The following SMCO4 variants were observed in gnomAD, a reference collection of about 807,000 sequenced individuals.
SMCO4 encodes single-pass membrane protein with coiled-coil domains 4.
In SMCO4, 4 loss-of-function variants were observed where a neutral mutation model predicts 3.6. The observed-to-expected ratio is 1.11, with a 90% CI of 0.54 to 2.53. The LOEUF (loss-of-function observed/expected upper bound fraction) is 2.53. Ranked by LOEUF, SMCO4 falls within the 30% of genes most tolerant of loss-of-function variation. The pLI, the probability that SMCO4 is intolerant of heterozygous loss-of-function variation, is 0.02. For synonymous variants in SMCO4, 36 were observed against 35.3 expected (o/e 1.02, Z -0.07); for missense variants, 70 against 80.8 (o/e 0.87, Z 0.51).
intron 1 of SMCO4, among the ~76,000 whole-genome samples, chr11:93,511,072 C>T (rs1948952677): frequency 6.6e-6 from 1 of 152,048 alleles, no homozygotes; most frequent in Admixed American, 6.6e-5. Flanking sequence ...GCACTCCAGC[C>T]TGAGAGACAG....
intron 2 of SMCO4, among the ~76,000 whole-genome samples, chr11:93,492,298 G>C (rs959377139): frequency 6.6e-6 from 1 of 152,110 alleles, no homozygotes; most frequent in Non-Finnish European, 1.5e-5. Context: ...GCCACAAGCT[G>C]ATTAACTGTT....
intron 1 of SMCO4, among the ~76,000 whole-genome samples, chr11:93,514,724 A>G (rs892876983): frequency 6.6e-6 from 1 of 152,132 alleles, no homozygotes; most frequent in African/African-American, 2.4e-5. Flanking sequence ...CGGCATTCAC[A>G]TTTTCTAGCC....
chr11:93,479,203 T>G lies in SMCO4; in HGVS notation c.-14A>C. Reference sequence around the variant, plus strand: ...GAGCTGCCGCATCTTTCCTAGAGGATGCTAGGAGGGTGTGTCCAGAGGGAT... The same window carrying G: ...GAGCTGCCGCATCTTTCCTAGAGGAGGCTAGGAGGGTGTGTCCAGAGGGAT... On this transcript the variant is annotated 5_prime_UTR_variant, in exon 3 of 3. Coordinates refer to ENST00000298966, the MANE Select transcript of SMCO4 (RefSeq NM_020179.3). The G allele has an allele frequency of 6.2e-7, 1 of 1,612,156 alleles. No homozygotes were observed. The highest frequency in any genetic ancestry group is 8.5e-7 in the Non-Finnish European group (1 of 1,178,956).
chr11:93,535,555 T>A, intron 1 of SMCO4: 1 of 1,470,508 alleles, frequency 6.8e-7, no homozygotes, highest in Non-Finnish European at 9.5e-7. Flanking sequence ...TCATATCACC[T>A]TGAAGAAGTA....
intron 1 of SMCO4, among the ~76,000 whole-genome samples, chr11:93,509,184 G>A (rs560771824): frequency 4.6e-5 from 7 of 151,880 alleles, no homozygotes; most frequent in Non-Finnish European, 8.8e-5. Flanking sequence ...TCAGATACTC[G>A]GGAGGCCAAA....
upstream of SMCO4, among the ~76,000 whole-genome samples, chr11:93,548,191 G>A (rs1464301834): frequency 6.6e-6 from 1 of 152,226 alleles, no homozygotes; most frequent in Admixed American, 6.5e-5. Flanking sequence ...GAGGTAAAAT[G>A]AGAGTAATCA....
At chr11:93,509,084 G>A (rs1044746160) in intron 1 of SMCO4, among the ~76,000 whole-genome samples, 5 of 151,874 alleles carry the variant, frequency 3.3e-5, no homozygotes, top group Non-Finnish European at 7.4e-5. Context: ...CAGCCCAGGA[G>A]TTTGAGACCA....
upstream of SMCO4, among the ~76,000 whole-genome samples, chr11:93,543,839 A>G (rs866748940): frequency 1.3e-5 from 2 of 152,248 alleles, no homozygotes; most frequent in African/African-American, 2.4e-5. Context: ...GCAAACGAGT[A>G]GATGAATGAG....
chr11:93,489,565 C>G (rs1170519664), intron 2 of SMCO4, among the ~76,000 whole-genome samples: 1 of 152,130 alleles, frequency 6.6e-6, no homozygotes. Context: ...ACCAACCGCG[C>G]AGGTGTAGGC....
At chr11:93,511,111 A>G (rs992023994) in intron 1 of SMCO4, among the ~76,000 whole-genome samples, 3 of 152,140 alleles carry the variant, frequency 2.0e-5, no homozygotes, top group African/African-American at 7.2e-5. Context: ...AATGGGACAA[A>G]AACAAAAAGC....
the SMCO4 span, among the ~76,000 whole-genome samples, chr11:93,552,983 A>T: frequency 2.0e-5 from 3 of 152,122 alleles, no homozygotes; most frequent in Non-Finnish European, 2.9e-5. Flanking sequence ...GACTATTCAG[A>T]TGTGTCAACA....
chr11:93,516,916 T>G (rs1949013138), intron 1 of SMCO4, among the ~76,000 whole-genome samples: 1 of 152,166 alleles, frequency 6.6e-6, no homozygotes, highest in South Asian at 2.1e-4. Flanking sequence ...TCTTTACCAG[T>G]GAAAGTCAGA....
At chr11:93,543,429 C>T (rs945758489), upstream of SMCO4, 2 of 152,016 alleles carry the variant, frequency 1.3e-5, no homozygotes, top group Admixed American at 6.6e-5. Flanking sequence ...CCTCTGCCGC[C>T]GGGAAGCCGA....
chr11:93,552,233 T>G, the SMCO4 span, among the ~76,000 whole-genome samples: 1 of 145,570 alleles, frequency 6.9e-6, no homozygotes, highest in Non-Finnish European at 1.5e-5. Flanking sequence ...CTCGGCTCAC[T>G]GCAATCTCCT....
chr11:93,543,189 C>CGCCCGGT (rs1252607253), intron 1 of SMCO4, 87 bp downstream of exon 1: 5 of 127,080 alleles, frequency 3.9e-5, no homozygotes, highest in South Asian at 2.4e-4. Flanking sequence ...GCCGCACCCC[C>CGCCCGGT]GCCCGGTGCC....
chr11:93,484,340 T>C (rs1948624101), intron 2 of SMCO4, among the ~76,000 whole-genome samples: 1 of 152,254 alleles, frequency 6.6e-6, no homozygotes, highest in South Asian at 2.1e-4. Flanking sequence ...ACTTCTTATA[T>C]GCACTTTTCT....
intron 2 of SMCO4, among the ~76,000 whole-genome samples, chr11:93,482,164 GCT>G (rs1948599088): frequency 3.3e-5 from 5 of 152,250 alleles, no homozygotes; most frequent in South Asian, 4.1e-4. Context: ...CAGCGTCTCT[GCT>G]CTCACTCACC....
rs978643765 is a variant in SMCO4 at position 93,499,333 on chromosome 11, G to A, written c.-138C>T. On this transcript the variant is annotated 5_prime_UTR_variant, in exon 2 of 3. Transcript: ENST00000298966. ...TTCAGCAAACTGATTTCCAGTACAG[G>A]TGACTTGAGTTATTCCTGTTGAGAA... 8 of 152,162 alleles carry A rather than the reference G, an allele frequency of 5.3e-5. No individual in the cohort carries two copies. In the East Asian group the frequency reaches 1.2e-3, roughly 22 times the overall value. The allele number at this position is 152,162 out of a possible 1,614,324, so 9.4% of individuals were successfully genotyped here.
intron 1 of SMCO4, 44 bp downstream of exon 1, chr11:93,543,220 CCGCCCGCCGGCT>C (rs1436750484): frequency 2.8e-5 from 4 of 143,464 alleles, no homozygotes; most frequent in African/African-American, 9.9e-5. Context: ...TGCCCCGCGC[CCGCCCGCCGGCT>C]CGCCCGCCCC....
Sources: gnomAD v4.1 joint callset for allele counts (sites outside exome capture counted in the v4.1 genomes callset) on GRCh38, gnomAD v4.1.1 for gene constraint, MANE v1.5 for transcripts, NCBI Gene and HGNC (gene_info 2026-07-23, HGNC 2026-07-21) for gene names.